Variants in ADGRD1 observed in about 807,000 individuals in gnomAD.
ADGRD1 encodes adhesion G protein-coupled receptor D1, also known as G-protein coupled receptor 133.
Under a neutral mutation model 113.4 loss-of-function variants are expected in ADGRD1, and 77 were observed. The ratio of observed to expected loss-of-function variants is 0.68; its 90% confidence interval spans 0.57 to 0.82. The LOEUF (loss-of-function observed/expected upper bound fraction) is 0.82, where lower values mean the gene tolerates loss of function less well. Ranked by LOEUF, ADGRD1 falls within the 40% of genes least tolerant of loss-of-function variation. The pLI, the probability that ADGRD1 is intolerant of heterozygous loss-of-function variation, is 0.00. For missense variants in ADGRD1, 1,036 were observed against 1,139.1 expected (o/e 0.91, Z 1.30); for synonymous variants, 474 against 475.0 (o/e 1.00, Z 0.03).
In ADGRD1 at chr12:131,060,835, C is replaced by T. The variant is rs1194285591; in HGVS notation, c.1474-15966C>T. Among the ~76,000 whole-genome samples, 5 of 152,128 alleles carry T rather than the reference C, an allele frequency of 3.3e-5. No individual in the cohort carries two copies. Among genetic ancestry groups the T allele is most frequent in the Admixed American group, 2.6e-4 (4 of 15,282 alleles). ...TTGCCTGGATTCTCAGGCAACCCTT[C>T]TTCTCCTTGACCCTTGGGCCAAGCT... is the stretch of plus-strand genomic sequence containing the variant. On this transcript the variant is annotated intron_variant, in intron 13 of 24. Coordinates refer to ENST00000261654, the MANE Select transcript of ADGRD1 (RefSeq NM_198827.5). The surrounding 1 kb of genome is among the most constrained non-coding windows in gnomAD (Gnocchi z 4.4).
At chr12:131,101,576 C>T (rs899210280) in intron 15 of ADGRD1, among the ~76,000 whole-genome samples, 11 of 151,660 alleles carry the variant, frequency 7.3e-5, no homozygotes, top group Non-Finnish European at 1.0e-4. Context: ...TTAGGAGAGA[C>T]GGGATTTCAC....
intron 18 of ADGRD1, among the ~76,000 whole-genome samples, chr12:131,114,560 G>A (rs951650719): frequency 6.6e-5 from 10 of 151,960 alleles, no homozygotes; most frequent in Non-Finnish European, 1.0e-4. Context: ...AGCTGAAGTC[G>A]GGGGGGTCTG....
Position 131,084,106 on chromosome 12 carries a change from T to G in ADGRD1, c.1548-434T>G, listed in dbSNP as rs745739190. ...CTCTCCCACACTGCACTCACCCGTT[T>G]CCCCCGATGGGCATTTATGTTACCG... On this transcript the variant is annotated intron_variant, in intron 14 of 24. Coordinates refer to ENST00000261654, the MANE Select transcript of ADGRD1 (RefSeq NM_198827.5). This position sits in a 1 kb window ranked among gnomAD's most constrained non-coding sequence, Gnocchi z 4.5. Among the ~76,000 whole-genome samples the G allele has an allele frequency of 3.3e-5, 5 of 152,180 alleles. No homozygotes were observed. The highest frequency in any genetic ancestry group is 7.3e-5 in the Non-Finnish European group (5 of 68,030).
chr12:130,995,782 T>C lies in ADGRD1; in HGVS notation c.966+3390T>C, dbSNP rs569324665. 3.9e-5 allele frequency among the ~76,000 whole-genome samples: 6 copies of C among 152,312 alleles called. No individual in the cohort carries two copies. In the East Asian group the frequency reaches 1.2e-3, roughly 29 times the overall value. ...TTATTTTATTTTTTTTAATTTTTTA[T>C]TGATCATTCTTGGGTGTTTCTCGCA... On this transcript the variant is annotated intron_variant, in intron 8 of 24. Transcript: ENST00000261654.
chr12:131,138,284 C>T (rs1566146666), intron 24 of ADGRD1, 55 bp downstream of exon 24: 11 of 1,484,806 alleles, frequency 7.4e-6, no homozygotes, highest in African/African-American at 1.4e-5. Flanking sequence ...TCCCCAGGCT[C>T]GGTTGTCAGC....
At chr12:131,117,682 A>C (rs10848289) in intron 18 of ADGRD1, among the ~76,000 whole-genome samples, 24,692 of 152,196 alleles carry the variant, frequency 0.16, 3,306 homozygotes, top group East Asian at 0.64. Context: ...CCTCAGAGCC[A>C]GGAAGGAACC....
chr12:131,011,148 C>T (rs1296078195), intron 12 of ADGRD1, among the ~76,000 whole-genome samples: 4 of 130,074 alleles, frequency 3.1e-5, no homozygotes, highest in Admixed American at 7.7e-5. Context: ...TGCCCCACCT[C>T]ACCCCTTCCC....
At chr12:130,995,845 G>A (rs1459808905) in intron 8 of ADGRD1, among the ~76,000 whole-genome samples, 3 of 152,044 alleles carry the variant, frequency 2.0e-5, no homozygotes, top group East Asian at 1.9e-4. Flanking sequence ...AATAGTGGAG[G>A]GAAGGTCAGC....
intron 14 of ADGRD1, among the ~76,000 whole-genome samples, chr12:131,082,707 T>G (rs1886161188): frequency 6.6e-6 from 1 of 152,032 alleles, no homozygotes; most frequent in African/African-American, 2.4e-5. Context: ...TCAAAAGGGG[T>G]GGGGAGGGAG....
intron 2 of ADGRD1, among the ~76,000 whole-genome samples, chr12:130,955,504 C>T (rs11061261): frequency 0.27 from 40,915 of 152,098 alleles, 6,221 homozygotes; most frequent in East Asian, 0.58. Flanking sequence ...ACACACCCTT[C>T]GCTGTTAAGA....
rs999933077 is a variant in ADGRD1 at position 130,984,927 on chromosome 12, TTCTC to T, written c.491-2164_491-2161del. On this transcript the variant is annotated intron_variant, in intron 5 of 24. Transcript: ENST00000261654. This position sits in a 1 kb window ranked among gnomAD's most constrained non-coding sequence, Gnocchi z 4.1. ...TCTCTCTCACTCTCTCTCTCCTCTCTTCTCTCTTTCTCTCTTTCTTTCTTTTTCT... is the reference window on the plus strand; with the variant it reads ...TCTCTCTCACTCTCTCTCTCCTCTCTTCTTTCTCTCTTTCTTTCTTTTTCT... 9.9e-5 allele frequency among the ~76,000 whole-genome samples: 15 copies of T among 150,830 alleles called. No individual in the cohort carries two copies. In the South Asian group the frequency reaches 1.7e-3, roughly 17 times the overall value.
intron 13 of ADGRD1, among the ~76,000 whole-genome samples, chr12:131,032,243 C>T (rs546463426): frequency 2.0e-4 from 30 of 152,290 alleles, no homozygotes; most frequent in African/African-American, 7.0e-4. Flanking sequence ...TCCACCCTGG[C>T]GGTGGAGGCA....
At position 131,048,904 on chromosome 12, in the gene ADGRD1, T is replaced by A. The variant is rs182749217; in HGVS notation, c.1474-27897T>A. Among the ~76,000 whole-genome samples the A allele has an allele frequency of 6.9e-4, 105 of 152,040 alleles. No homozygotes were observed. In the South Asian group the frequency reaches 9.6e-3, roughly 14 times the overall value. ...TGGGGAAGAAGCCTGCTTAGCTTCC[T>A]GACACTCAGGGCAAGAGGAGGGGTC... is the stretch of plus-strand genomic sequence containing the variant. On this transcript the variant is annotated intron_variant, in intron 13 of 24. Coordinates refer to ENST00000261654, the MANE Select transcript of ADGRD1 (RefSeq NM_198827.5).
intron 20 of ADGRD1, among the ~76,000 whole-genome samples, chr12:131,127,779 G>T (rs200329325): frequency 7.1e-6 from 1 of 141,170 alleles, no homozygotes; most frequent in African/African-American, 2.7e-5. Context: ...GGTGTTGGTT[G>T]TGTTGGTTGT....
chr12:130,992,542 TG>T, intron 8 of ADGRD1, 150 bp downstream of exon 8: 1 of 659,274 alleles, frequency 1.5e-6, no homozygotes, highest in Non-Finnish European at 2.6e-6. Context: ...AACAACCAGC[TG>T]GTGTGGCCCT....
chr12:130,972,116 C>G (rs1381669843), intron 4 of ADGRD1, among the ~76,000 whole-genome samples: 1 of 152,142 alleles, frequency 6.6e-6, no homozygotes, highest in African/African-American at 2.4e-5. Flanking sequence ...AGCAGAGATG[C>G]AAAAGAAAAA....
chr12:131,042,958 A>G (rs1882289436), intron 13 of ADGRD1, among the ~76,000 whole-genome samples: 1 of 152,226 alleles, frequency 6.6e-6, no homozygotes, highest in Non-Finnish European at 1.5e-5. Flanking sequence ...GTGTCTGCCC[A>G]TGCGAGGCTG....
rs781221405 is a variant in ADGRD1, at chr12:130,966,431, T to C, written c.104-32T>C. On this transcript the variant is annotated intron_variant, in intron 2 of 24. Transcript: ENST00000261654. The surrounding 1 kb of genome is among the most constrained non-coding windows in gnomAD (Gnocchi z 4.6). Reference sequence around the variant, plus strand: ...CCTCTGGTTCTTTCCTCTCTAATGATGATTTAAAATTTTTATTCTTTTTTC... The same window carrying C: ...CCTCTGGTTCTTTCCTCTCTAATGACGATTTAAAATTTTTATTCTTTTTTC... 2 of 1,411,132 alleles carry C rather than the reference T, an allele frequency of 1.4e-6. No homozygotes were observed. The highest frequency in any genetic ancestry group is 1.1e-5 in the South Asian group (1 of 86,988). The allele number at this position is 1,411,132 out of a possible 1,614,324, so 87.4% of individuals were successfully genotyped here.
At chr12:130,961,915 C>T (rs1171262179) in intron 2 of ADGRD1, among the ~76,000 whole-genome samples, 6 of 152,204 alleles carry the variant, frequency 3.9e-5, no homozygotes, top group African/African-American at 1.4e-4. Flanking sequence ...CGCAATGCTT[C>T]GTTCGGCATC....
Sources: allele counts gnomAD v4.1 joint callset (sites outside exome capture counted in the v4.1 genomes callset), GRCh38; gene constraint gnomAD v4.1.1; non-coding constraint Gnocchi (gnomAD v3.1); transcripts MANE v1.5; gene names NCBI Gene and HGNC (gene_info 2026-07-23, HGNC 2026-07-21).